Variants in NELL1 observed in about 807,000 individuals in gnomAD.
NELL1 encodes the protein protein kinase C-binding protein NELL1.
In NELL1, 76 loss-of-function variants were observed where a neutral mutation model predicts 107.4. The observed-to-expected ratio is 0.71, with a 90% CI of 0.59 to 0.86. The LOEUF (loss-of-function observed/expected upper bound fraction) is 0.86, where lower values mean the gene tolerates loss of function less well. Among genes scored for constraint, NELL1 ranks in the 40% least tolerant of loss-of-function variants. NELL1 has a pLI of 0.00. For missense variants in NELL1, 1,024 were observed against 1,005.5 expected (o/e 1.02, Z -0.25); for synonymous variants, 353 against 341.2 (o/e 1.03, Z -0.38).
chr11:21,285,999 G>A (rs1849106912), intron 14 of NELL1, among the ~76,000 whole-genome samples: 1 of 152,144 alleles, frequency 6.6e-6, no homozygotes, highest in African/African-American at 2.4e-5. Flanking sequence ...CCTGTAGATA[G>A]AAATGAGACA....
At chr11:21,108,294 A>G (rs1467756779) in intron 12 of NELL1, among the ~76,000 whole-genome samples, 1 of 152,172 alleles carries the variant, frequency 6.6e-6, no homozygotes, top group Non-Finnish European at 1.5e-5. Flanking sequence ...GATGATGCCA[A>G]ATTTGAGTCT....
At chr11:21,350,657 G>T (rs1850788340) in intron 14 of NELL1, among the ~76,000 whole-genome samples, 1 of 152,134 alleles carries the variant, frequency 6.6e-6, no homozygotes, top group Non-Finnish European at 1.5e-5. Flanking sequence ...TATTCAATAA[G>T]GAGTGATTGA....
At chr11:21,113,165 G>T (rs1855146623) in intron 12 of NELL1, among the ~76,000 whole-genome samples, 1 of 151,898 alleles carries the variant, frequency 6.6e-6, no homozygotes, top group African/African-American at 2.4e-5. Context: ...GCATGTCTTA[G>T]TAAGACATAC....
intron 13 of NELL1, among the ~76,000 whole-genome samples, chr11:21,159,467 A>G (rs572299366): frequency 1.3e-5 from 2 of 152,340 alleles, no homozygotes; most frequent in South Asian, 4.1e-4. Context: ...CTGCACTTGA[A>G]TACTTGCCAC....
chr11:21,045,086 T>C (rs187387417), intron 12 of NELL1, among the ~76,000 whole-genome samples: 231 of 152,114 alleles, frequency 1.5e-3, no homozygotes, highest in Non-Finnish European at 2.6e-4. Context: ...AGAAAGATTA[T>C]CCAGGGCAAG....
intron 12 of NELL1, among the ~76,000 whole-genome samples, chr11:21,009,053 C>T (rs904956862): frequency 6.6e-6 from 1 of 152,026 alleles, no homozygotes; most frequent in Non-Finnish European, 1.5e-5. Context: ...ACCTTGATGT[C>T]CATGGACCTG....
chr11:20,859,706 G>A (rs1212953372), intron 4 of NELL1, among the ~76,000 whole-genome samples: 1 of 152,190 alleles, frequency 6.6e-6, no homozygotes, highest in Non-Finnish European at 1.5e-5. Flanking sequence ...TTGGGCAGTA[G>A]GAGACCCCCA....
intron 2 of NELL1, among the ~76,000 whole-genome samples, chr11:20,772,099 G>A (rs1949523): frequency 0.63 from 95,799 of 152,078 alleles, 33,686 homozygotes; most frequent in East Asian, 0.82. Context: ...GGCCAATACA[G>A]CATTTAAAAA....
At chr11:20,693,494 C>T (rs1456041263) in intron 2 of NELL1, among the ~76,000 whole-genome samples, 1 of 152,130 alleles carries the variant, frequency 6.6e-6, no homozygotes, top group Non-Finnish European at 1.5e-5. Flanking sequence ...TTGACAAAAT[C>T]TCTCAGCATT....
chr11:21,354,015 G>A (rs943751071), intron 14 of NELL1, among the ~76,000 whole-genome samples: 6 of 152,170 alleles, frequency 3.9e-5, no homozygotes, highest in African/African-American at 1.2e-4. Flanking sequence ...GAAACTTAAC[G>A]CTGGACCTGT....
intron 15 of NELL1, among the ~76,000 whole-genome samples, chr11:21,393,628 G>T (rs1564873166): frequency 6.6e-6 from 1 of 151,686 alleles, no homozygotes; most frequent in Non-Finnish European, 1.5e-5. Context: ...GTGTTAAAAA[G>T]ACAGGAAAGC....
chr11:21,527,469 C>T (rs1488192342), intron 15 of NELL1, among the ~76,000 whole-genome samples: 2 of 152,134 alleles, frequency 1.3e-5, no homozygotes, highest in East Asian at 1.9e-4. Flanking sequence ...CATTTCTGGG[C>T]ACCTTTACAG....
rs116061380 is a variant in NELL1 at position 21,089,939 on chromosome 11, C to A, written c.1301-23650C>A. The stretch of plus-strand genomic sequence containing the variant: ...GGTGCTTTTATTGTGGTTAGGCTTT[C>A]GTATGGTGCTTATTTGAAAGTGAGG... On this transcript the variant is annotated intron_variant, in intron 12 of 19. Transcript: ENST00000357134. Among the ~76,000 whole-genome samples the A allele has an allele frequency of 7.4e-4, 113 of 152,222 alleles. 1 individual carries two copies. The highest frequency in any genetic ancestry group is 2.7e-3 in the African/African-American group (111 of 41,552).
chr11:21,151,889 G>A (rs1191054873), intron 13 of NELL1, among the ~76,000 whole-genome samples: 1 of 152,172 alleles, frequency 6.6e-6, no homozygotes, highest in Admixed American at 6.5e-5. Flanking sequence ...ATGTCTGGAG[G>A]TATCACTTTA....
chr11:21,043,028 T>A (rs904435328), intron 12 of NELL1, among the ~76,000 whole-genome samples: 4 of 152,076 alleles, frequency 2.6e-5, no homozygotes, highest in Non-Finnish European at 5.9e-5. Flanking sequence ...ACACTGAAAA[T>A]TGCTTACGGT....
intron 12 of NELL1, among the ~76,000 whole-genome samples, chr11:21,089,076 G>T (rs769484286): frequency 6.6e-6 from 1 of 152,104 alleles, no homozygotes; most frequent in Non-Finnish European, 1.5e-5. Flanking sequence ...ATGGGGGATG[G>T]GACATAGATA....
intron 14 of NELL1, among the ~76,000 whole-genome samples, chr11:21,362,857 G>C (rs906618577): frequency 6.6e-6 from 1 of 151,878 alleles, no homozygotes; most frequent in South Asian, 2.1e-4. Flanking sequence ...GCTTGCTGCA[G>C]CCACAGTGGA....
chr11:21,270,517 C>A (rs905269510), intron 14 of NELL1, among the ~76,000 whole-genome samples: 6 of 151,966 alleles, frequency 3.9e-5, no homozygotes, highest in Non-Finnish European at 7.4e-5. Context: ...AACATGAGAA[C>A]CTCAAAATAC....
intron 5 of NELL1, among the ~76,000 whole-genome samples, chr11:20,912,401 C>T (rs1401368650): frequency 2.0e-5 from 3 of 152,118 alleles, no homozygotes; most frequent in African/African-American, 7.2e-5. Context: ...CATAGATTTT[C>T]ATTATCAGGA....
Sources: allele counts gnomAD v4.1 joint callset (sites outside exome capture counted in the v4.1 genomes callset), GRCh38; gene constraint gnomAD v4.1.1; transcripts MANE v1.5; gene names NCBI Gene and HGNC (gene_info 2026-07-23, HGNC 2026-07-21).